Variants in ERLIN1 observed in about 807,000 individuals in gnomAD.
ERLIN1 encodes ER lipid raft associated 1, also known as erlin-1.
In ERLIN1, 24 loss-of-function variants were observed where a neutral mutation model predicts 46.9. The ratio of observed to expected loss-of-function variants is 0.51; its 90% CI spans 0.37 to 0.72. The LOEUF (loss-of-function observed/expected upper bound fraction) is 0.72. Ranked by LOEUF, ERLIN1 falls within the 30% of genes least tolerant of loss-of-function variation. ERLIN1 has a pLI of 0.00. For missense variants in ERLIN1, 293 were observed against 417.9 expected, an observed-to-expected ratio of 0.70 and a Z score of 2.61; for synonymous variants, 158 against 143.2, an observed-to-expected ratio of 1.10 and a Z score of -0.74.
chr10:100,183,900 A>G (rs1456201268), intron 1 of ERLIN1, 63 bp from the exon 2 acceptor site: 5 of 1,197,178 alleles, frequency 4.2e-6, no homozygotes, highest in Non-Finnish European at 6.2e-6. Context: ...CCAAATCTAA[A>G]ATGCTATAAT....
intron 10 of ERLIN1, among the ~76,000 whole-genome samples, chr10:100,153,591 A>G (rs571047751): frequency 2.3e-4 from 35 of 152,284 alleles, no homozygotes; most frequent in Non-Finnish European, 3.8e-4. Flanking sequence ...TTGGATCTCT[A>G]TCTTCTCCAG....
chr10:100,180,856 C>G (rs569589870), intron 2 of ERLIN1, among the ~76,000 whole-genome samples: 1 of 152,118 alleles, frequency 6.6e-6, no homozygotes, highest in Non-Finnish European at 1.5e-5. Flanking sequence ...AGAAAACCAG[C>G]TGGGAGGCTA....
At chr10:100,155,863 A>G (rs1270093688) in intron 9 of ERLIN1, among the ~76,000 whole-genome samples, 2 of 152,096 alleles carry the variant, frequency 1.3e-5, no homozygotes, top group Non-Finnish European at 2.9e-5. Context: ...ATTATGGGTA[A>G]TTTTCATACC....
intron 10 of ERLIN1, among the ~76,000 whole-genome samples, 182 bp from the exon 11 acceptor site, chr10:100,152,534 A>C (rs961018649): frequency 1.3e-5 from 2 of 152,206 alleles, no homozygotes; most frequent in African/African-American, 4.8e-5. Context: ...TCCTGACTTA[A>C]AATTCCTTCA....
chr10:100,151,873 C>T lies in ERLIN1; in HGVS notation c.*258G>A. ...TCCAGTGCAGGCAGTATCTTAGCAT[C>T]AGACTTTCCTCATTCATGAGTAGCA... is the stretch of plus-strand genomic sequence containing the variant. On this transcript the variant is annotated 3_prime_UTR_variant, in exon 11 of 11. Transcript: ENST00000421367. 2.0e-6 allele frequency: 1 copy of T among 511,176 alleles called. No individual in the cohort carries two copies. The highest frequency in any genetic ancestry group is 1.9e-5 in the African/African-American group (1 of 52,108). The allele number at this position is 511,176 out of a possible 1,614,324, so 31.7% of individuals were successfully genotyped here.
chr10:100,168,156 A>T (rs1188238619), intron 6 of ERLIN1, among the ~76,000 whole-genome samples: 1 of 152,182 alleles, frequency 6.6e-6, no homozygotes, highest in Non-Finnish European at 1.5e-5. Flanking sequence ...TTTTGATTTT[A>T]CTAAACATAC....
intron 6 of ERLIN1, among the ~76,000 whole-genome samples, chr10:100,169,510 AAATAT>A (rs1361517518): frequency 2.0e-5 from 3 of 152,132 alleles, no homozygotes; most frequent in Admixed American, 6.5e-5. Flanking sequence ...GAAAGGAAAA[AAATAT>A]AATAGTGACT....
intron 8 of ERLIN1, among the ~76,000 whole-genome samples, chr10:100,160,771 A>G (rs1318700529): frequency 6.6e-6 from 1 of 152,120 alleles, no homozygotes; most frequent in African/African-American, 2.4e-5. Context: ...ACATGGTGAA[A>G]CCCTGTCTCT....
At chr10:100,178,434 T>C (rs1436926181) in intron 3 of ERLIN1, among the ~76,000 whole-genome samples, 1 of 152,248 alleles carries the variant, frequency 6.6e-6, no homozygotes, top group East Asian at 1.9e-4. Context: ...ATTCTTCTTT[T>C]GATACAATTC....
chr10:100,160,043 T>C (rs1221701457), intron 8 of ERLIN1, among the ~76,000 whole-genome samples: 1 of 152,004 alleles, frequency 6.6e-6, no homozygotes, highest in Non-Finnish European at 1.5e-5. Flanking sequence ...AAAACAGTAT[T>C]AGCAATGAAA....
At chr10:100,176,299 C>T (rs1407384844) in intron 4 of ERLIN1, among the ~76,000 whole-genome samples, 1 of 152,156 alleles carries the variant, frequency 6.6e-6, no homozygotes, top group Non-Finnish European at 1.5e-5. Flanking sequence ...GTTAGCCCAT[C>T]AAACAGGGGC....
In ERLIN1 at chr10:100,154,890, A is replaced by G. The variant is rs1842992356; in HGVS notation, c.795T>C (p.Tyr265=). Residue 265 remains tyrosine, a synonymous_variant, in exon 10 of 11, where the codon TAT becomes TAC. Coordinates refer to ENST00000421367, the MANE Select transcript of ERLIN1 (RefSeq NM_006459.4). ...REKAKADAEY[Y]AAHKYATSNK... is the part of the protein sequence containing the mutation. ...TTGAGGTGGCATATTTGTGTGCAGCATAATATTCAGCATCTGCTTTCGCTT... is the reference window on the plus strand; with the variant it reads ...TTGAGGTGGCATATTTGTGTGCAGCGTAATATTCAGCATCTGCTTTCGCTT... 7 of 1,613,988 alleles carry G rather than the reference A, an allele frequency of 4.3e-6. No homozygotes were observed. The highest frequency in any genetic ancestry group is 5.9e-6 in the Non-Finnish European group (7 of 1,179,864).
At position 100,150,514 on chromosome 10, in the gene ERLIN1, A is replaced by G. The variant is rs566795346; in HGVS notation, c.*1617T>C. Reference sequence around the variant, plus strand: ...ACTAAAGAACACAAAATTCATTTATAAAGAGAATTTATAGAATTAAATGAG... The same window carrying G: ...ACTAAAGAACACAAAATTCATTTATGAAGAGAATTTATAGAATTAAATGAG... On this transcript the variant is annotated 3_prime_UTR_variant, in exon 11 of 11. Coordinates refer to ENST00000421367, the MANE Select transcript of ERLIN1 (RefSeq NM_006459.4). The G allele has an allele frequency of 6.5e-6, 1 of 152,834 alleles. No homozygotes were observed. Among genetic ancestry groups the G allele is most frequent in the East Asian group, 1.9e-4 (1 of 5,194 alleles). 9.5% of individuals were successfully genotyped at this position (152,834 alleles called of 1,614,324 possible).
At chr10:100,162,016 G>C (rs995739581) in intron 8 of ERLIN1, among the ~76,000 whole-genome samples, 5 of 151,932 alleles carry the variant, frequency 3.3e-5, no homozygotes, top group African/African-American at 7.2e-5. Flanking sequence ...TCTTAAGATA[G>C]GAAAAGCACA....
intron 6 of ERLIN1, among the ~76,000 whole-genome samples, chr10:100,169,578 TATAAG>T (rs893771460): frequency 4.0e-5 from 6 of 151,282 alleles, no homozygotes; most frequent in Non-Finnish European, 7.4e-5. Flanking sequence ...AAGTTGTAGA[TATAAG>T]ATAAATCTAC....
At chr10:100,181,790 A>T (rs996896125) in intron 2 of ERLIN1, among the ~76,000 whole-genome samples, 2 of 152,208 alleles carry the variant, frequency 1.3e-5, no homozygotes, top group African/African-American at 4.8e-5. Flanking sequence ...CTGGGATTAC[A>T]GGCGTGAGCC....
intron 10 of ERLIN1, among the ~76,000 whole-genome samples, chr10:100,152,751 G>A (rs577470077): frequency 6.6e-6 from 1 of 152,146 alleles, no homozygotes; most frequent in South Asian, 2.1e-4. Context: ...TGTAGAGATG[G>A]GGTCTATGTT....
chr10:100,179,159 G>C, intron 3 of ERLIN1, 42 bp downstream of exon 3: 1 of 1,486,114 alleles, frequency 6.7e-7, no homozygotes, highest in Middle Eastern at 1.7e-4. Flanking sequence ...CAGAAACTCT[G>C]TCTGAGCTAA....
intron 4 of ERLIN1, 55 bp downstream of exon 4, chr10:100,178,078 A>G: frequency 9.4e-7 from 1 of 1,069,338 alleles, no homozygotes; most frequent in Non-Finnish European, 1.4e-6. Context: ...AGAATCTCTC[A>G]GCTATAAATC....
Sources: allele counts gnomAD v4.1 joint callset (sites outside exome capture counted in the v4.1 genomes callset), GRCh38; gene constraint gnomAD v4.1.1; transcripts MANE v1.5; gene names NCBI Gene and HGNC (gene_info 2026-07-23, HGNC 2026-07-21).